Variants in MALRD1 observed in about 807,000 individuals in gnomAD.
The protein encoded by MALRD1 is MAM and LDL-receptor class A domain-containing protein 1.
A neutral mutation model predicts 242.1 loss-of-function variants in MALRD1; 247 were observed. The observed-to-expected ratio is 1.02, with a 90% CI of 0.92 to 1.13. The LOEUF (loss-of-function observed/expected upper bound fraction) is 1.13. MALRD1 is among the 50% of genes most tolerant of loss of function. MALRD1 has a pLI of 0.00. For synonymous variants in MALRD1, 995 were observed against 866.6 expected (o/e 1.15, Z -2.60); for missense variants, 2,989 against 2,533.1 (o/e 1.18, Z -3.86).
intron 36 of MALRD1, among the ~76,000 whole-genome samples, chr10:19,668,086 C>T (rs1841756242): frequency 6.6e-6 from 1 of 152,110 alleles, no homozygotes; most frequent in Non-Finnish European, 1.5e-5. Context: ...CCCAAAGACC[C>T]CACCTCTGAA....
intron 36 of MALRD1, among the ~76,000 whole-genome samples, chr10:19,672,065 A>T (rs541335699): frequency 6.6e-6 from 1 of 151,560 alleles, no homozygotes; most frequent in African/African-American, 2.4e-5. Context: ...TTCCTAGGAG[A>T]CTCATTTTTC....
chr10:19,252,640 TCTA>T (rs1179784858), intron 18 of MALRD1, among the ~76,000 whole-genome samples: 1 of 152,088 alleles, frequency 6.6e-6, no homozygotes, highest in African/African-American at 2.4e-5. Context: ...TTATTTTGTC[TCTA>T]CTATTACCAC....
At chr10:19,102,842 G>A (rs1336598634) in intron 4 of MALRD1, among the ~76,000 whole-genome samples, 1 of 130,652 alleles carries the variant, frequency 7.7e-6, no homozygotes, top group East Asian at 2.3e-4. Flanking sequence ...CTAATGTCAC[G>A]TTCAGTCATT....
At chr10:19,597,235 A>G (rs966585416) in intron 34 of MALRD1, among the ~76,000 whole-genome samples, 5 of 152,218 alleles carry the variant, frequency 3.3e-5, no homozygotes, top group African/African-American at 9.6e-5. Flanking sequence ...CCCTGTTCCC[A>G]TCAGAGCTCT....
In MALRD1 at chr10:19,595,453, C is replaced by A. The variant is rs747637427; in HGVS notation, c.5940C>A (p.Ile1980=). 6.5e-7 allele frequency: 1 copy of A among 1,548,588 alleles called. No homozygotes were observed. The highest frequency in any genetic ancestry group is 1.2e-5 in the South Asian group (1 of 83,880). The change falls in exon 34 of 40, where the codon ATC becomes ATA. Residue 1980 remains isoleucine (I), a synonymous_variant. Coordinates refer to ENST00000454679, the MANE Select transcript of MALRD1 (RefSeq NM_001142308.3). The stretch of plus-strand genomic sequence containing the variant: ...GCCACTTTAATGAAGATGAGCTCAT[C>A]TGCTGTGAGTTATTTTCACTAACTC... ...PDCHFNEDEL[I]CSNKSCSNGA... is the part of the protein sequence containing the mutation.
At chr10:19,704,128 A>T (rs1209928058) in intron 38 of MALRD1, among the ~76,000 whole-genome samples, 1 of 151,446 alleles carries the variant, frequency 6.6e-6, no homozygotes, top group Admixed American at 6.6e-5. Context: ...AAAAATCAGA[A>T]TTTTTTTTTA....
At chr10:19,331,912 A>T (rs1035379877) in intron 24 of MALRD1, among the ~76,000 whole-genome samples, 17 of 152,220 alleles carry the variant, frequency 1.1e-4, no homozygotes, top group African/African-American at 4.1e-4. Flanking sequence ...CTGTTGCAGG[A>T]TGGAGTGCAG....
intron 13 of MALRD1, among the ~76,000 whole-genome samples, chr10:19,167,230 G>A (rs1208835816): frequency 2.6e-5 from 4 of 152,000 alleles, no homozygotes; most frequent in African/African-American, 9.7e-5. Flanking sequence ...ATGGTGGCAC[G>A]TGCCTGTAGT....
intron 36 of MALRD1, among the ~76,000 whole-genome samples, chr10:19,622,125 A>G (rs773612842): frequency 6.6e-6 from 1 of 151,704 alleles, no homozygotes. Flanking sequence ...TATAACCACT[A>G]GTTTCACTGA....
chr10:19,390,977 T>A (rs553264006), intron 28 of MALRD1, among the ~76,000 whole-genome samples: 1 of 152,294 alleles, frequency 6.6e-6, no homozygotes, highest in African/African-American at 2.4e-5. Context: ...AATGTGATAC[T>A]TGATTCTATG....
chr10:19,562,972 C>A (rs1836063176), intron 32 of MALRD1, among the ~76,000 whole-genome samples: 1 of 152,190 alleles, frequency 6.6e-6, no homozygotes, highest in African/African-American at 2.4e-5. Flanking sequence ...GCCAAAAAGA[C>A]TGGGGATCAC....
At chr10:19,454,470 A>G (rs1038310539) in intron 29 of MALRD1, among the ~76,000 whole-genome samples, 2 of 140,982 alleles carry the variant, frequency 1.4e-5, no homozygotes, top group Non-Finnish European at 3.1e-5. Context: ...ATATATATCT[A>G]TATATAATGG....
chr10:19,126,680 A>G (rs1390257467), intron 7 of MALRD1, among the ~76,000 whole-genome samples: 1 of 151,702 alleles, frequency 6.6e-6, no homozygotes, highest in Non-Finnish European at 1.5e-5. Context: ...CATTATATTT[A>G]TATATTTTAC....
At position 19,358,493 on chromosome 10, in the gene MALRD1, G is replaced by A. The variant is rs916331720; in HGVS notation, c.4441+6196G>A. ...TGGTTGTGTGTGGCTAAATAATTTC[G>A]TGAAACCTACATATGCTGTTTAGTG... On this transcript the variant is annotated intron_variant, in intron 26 of 39. Transcript: ENST00000454679. Among the ~76,000 whole-genome samples, 6 of 152,136 alleles carry A rather than the reference G, an allele frequency of 3.9e-5. 1 individual carries two copies. The highest frequency in any genetic ancestry group is 4.2e-4 in the South Asian group (2 of 4,818).
intron 28 of MALRD1, among the ~76,000 whole-genome samples, chr10:19,432,269 G>T (rs767991040): frequency 3.3e-5 from 5 of 152,124 alleles, no homozygotes; most frequent in Non-Finnish European, 7.4e-5. Flanking sequence ...GTATGCCTCA[G>T]GAATATCACC....
intron 28 of MALRD1, among the ~76,000 whole-genome samples, chr10:19,442,906 C>T (rs1310179896): frequency 6.6e-6 from 1 of 152,186 alleles, no homozygotes; most frequent in Non-Finnish European, 1.5e-5. Flanking sequence ...ACCAGCTCCT[C>T]TTTGTACCTC....
intron 28 of MALRD1, among the ~76,000 whole-genome samples, chr10:19,447,177 G>T (rs916424411): frequency 6.6e-6 from 1 of 151,754 alleles, no homozygotes; most frequent in African/African-American, 2.4e-5. Context: ...AAATTAGTAC[G>T]TCTCCAGGTA....
chr10:19,309,306 T>A (rs1343488727), intron 21 of MALRD1, among the ~76,000 whole-genome samples: 1 of 151,480 alleles, frequency 6.6e-6, no homozygotes, highest in Admixed American at 6.6e-5. Context: ...CTCACCAATA[T>A]TTAAGAATTT....
intron 29 of MALRD1, among the ~76,000 whole-genome samples, chr10:19,472,717 C>T (rs991570311): frequency 3.3e-5 from 5 of 151,046 alleles, no homozygotes; most frequent in African/African-American, 1.2e-4. Flanking sequence ...ATCATATGAT[C>T]CTTTGTATCT....
Sources: gnomAD v4.1 joint callset for allele counts (sites outside exome capture counted in the v4.1 genomes callset) on GRCh38, gnomAD v4.1.1 for gene constraint, MANE v1.5 for transcripts, NCBI Gene and HGNC (gene_info 2026-07-23, HGNC 2026-07-21) for gene names.